Variants in CKAP5 observed in about 807,000 individuals in gnomAD.
CKAP5 encodes cytoskeleton-associated protein 5.
In CKAP5, 27 loss-of-function variants were observed where a neutral mutation model predicts 232.8. The ratio of observed to expected loss-of-function variants is 0.12; its 90% CI spans 0.09 to 0.16. The LOEUF (loss-of-function observed/expected upper bound fraction) is 0.16. Among genes scored for constraint, CKAP5 ranks in the 10% least tolerant of loss-of-function variants. The pLI is 1.00. For missense variants in CKAP5, 1,838 were observed against 2,424.7 expected, an observed-to-expected ratio of 0.76 and a Z score of 5.08; for synonymous variants, 785 against 841.1, an observed-to-expected ratio of 0.93 and a Z score of 1.16.
chr11:46,768,657 T>C lies in CKAP5; in HGVS notation c.3323-994A>G, dbSNP rs368736459. ...AGTGCAGTGGTGCGATCGTGGCTCA[T>C]TGAAGCCTCAACCTCCTGGGCTGAA... On this transcript the variant is annotated intron_variant, in intron 26 of 43. Coordinates refer to ENST00000529230, the MANE Select transcript of CKAP5 (RefSeq NM_001008938.4). 1.4e-3 allele frequency among the ~76,000 whole-genome samples: 210 copies of C among 146,410 alleles called. 1 individual carries two copies. The highest frequency in any genetic ancestry group is 4.1e-3 in the Middle Eastern group (1 of 244).
intron 24 of CKAP5, 97 bp downstream of exon 24, chr11:46,776,158 C>T: frequency 1.0e-6 from 1 of 995,438 alleles, no homozygotes; most frequent in Non-Finnish European, 1.4e-6. Context: ...TATAATGAAA[C>T]TCATTCTAAC....
At chr11:46,776,746 C>CATCAT (rs2065294384) in intron 23 of CKAP5, among the ~76,000 whole-genome samples, 1 of 152,058 alleles carries the variant, frequency 6.6e-6, no homozygotes, top group South Asian at 2.1e-4. Flanking sequence ...ATGTTAAAGA[C>CATCAT]ATCATAATGG....
At chr11:46,746,031 C>T (rs531562185) in intron 42 of CKAP5, among the ~76,000 whole-genome samples, 3 of 152,180 alleles carry the variant, frequency 2.0e-5, no homozygotes, top group African/African-American at 4.8e-5. Flanking sequence ...AAAAGAACTC[C>T]TATTTAAGAG....
rs749931151 is a variant in CKAP5, at chr11:46,778,129, C to T, written c.2748+10G>A. The T allele has an allele frequency of 4.3e-6, 7 of 1,610,644 alleles. No homozygotes were observed. The highest frequency in any genetic ancestry group is 1.7e-5 in the Admixed American group (1 of 59,756). ...GGGAGATAAAAAGAACAGCCGTATGCTCTACATACCAAGATTTTATTTGAA... is the reference window on the plus strand; with the variant it reads ...GGGAGATAAAAAGAACAGCCGTATGTTCTACATACCAAGATTTTATTTGAA... On this transcript the variant is annotated intron_variant, in intron 22 of 43. Transcript: ENST00000529230.
intron 16 of CKAP5, among the ~76,000 whole-genome samples, chr11:46,788,317 G>A (rs372935971): frequency 3.3e-5 from 5 of 152,376 alleles, no homozygotes; most frequent in East Asian, 1.9e-4. Context: ...GCTCACGCCC[G>A]TAATCCCAGC....
At chr11:46,781,033 A>T (rs947083682) in intron 18 of CKAP5, among the ~76,000 whole-genome samples, 1 of 152,188 alleles carries the variant, frequency 6.6e-6, no homozygotes, top group African/African-American at 2.4e-5. Context: ...TGAACTCCAG[A>T]TTCACATCAT....
chr11:46,812,618 A>T (rs545801801), intron 4 of CKAP5, among the ~76,000 whole-genome samples: 1 of 152,038 alleles, frequency 6.6e-6, no homozygotes, highest in Non-Finnish European at 1.5e-5. Context: ...GTGTACTCCA[A>T]CGATTTTTTT....
At chr11:46,802,307 C>T (rs61897306) in intron 8 of CKAP5, 9,067 of 152,288 alleles carry the variant, frequency 0.06, 379 homozygotes, top group Non-Finnish European at 0.095. Context: ...TAACAAGATA[C>T]TGACTACGAC....
Position 46,778,379 on chromosome 11 carries a change from C to G in CKAP5, c.2574-66G>C, listed in dbSNP as rs924640998. 264 of 1,600,934 alleles carry G rather than the reference C, an allele frequency of 1.6e-4. 3 individuals carry two copies. In the South Asian group the frequency reaches 2.2e-3, roughly 13 times the overall value. ...AAATGATGATATCACGTTAAGTTCC[C>G]CTCACTGAATTCAAAAAGAAGACAA... is the stretch of plus-strand genomic sequence containing the variant. On this transcript the variant is annotated intron_variant, in intron 21 of 43. Coordinates refer to ENST00000529230, the MANE Select transcript of CKAP5 (RefSeq NM_001008938.4).
chr11:46,753,518 C>T (rs1226072957), intron 36 of CKAP5, 21 bp from the exon 37 acceptor site: 12 of 1,578,400 alleles, frequency 7.6e-6, no homozygotes, highest in Non-Finnish European at 9.5e-6. Context: ...ATACTTGTGT[C>T]AGGGAGGTGT....
At chr11:46,830,501 G>C (rs1939766287) in intron 1 of CKAP5, among the ~76,000 whole-genome samples, 1 of 151,174 alleles carries the variant, frequency 6.6e-6, no homozygotes, top group Non-Finnish European at 1.5e-5. Flanking sequence ...ACAGGCCTAG[G>C]AGTGCCAGCA....
intron 28 of CKAP5, 44 bp downstream of exon 28, chr11:46,765,084 TAAC>T (rs1376142139): frequency 7.6e-6 from 12 of 1,574,790 alleles, no homozygotes; most frequent in Non-Finnish European, 1.0e-5. Flanking sequence ...TATTCTTGAA[TAAC>T]AATACAAGCA....
chr11:46,826,413 G>C (rs1339574231), intron 1 of CKAP5, among the ~76,000 whole-genome samples: 4 of 152,116 alleles, frequency 2.6e-5, no homozygotes, highest in African/African-American at 9.7e-5. Context: ...CAAATACCAG[G>C]GTAAGGATCC....
At chr11:46,784,967 CTCT>C (rs200270963) in intron 16 of CKAP5, among the ~76,000 whole-genome samples, 1 of 152,212 alleles carries the variant, frequency 6.6e-6, no homozygotes, top group Admixed American at 6.5e-5. Flanking sequence ...AATTTTCCTC[CTCT>C]TATGATTATT....
intron 16 of CKAP5, among the ~76,000 whole-genome samples, chr11:46,786,632 T>A (rs546716365): frequency 6.6e-6 from 1 of 152,196 alleles, no homozygotes; most frequent in Non-Finnish European, 1.5e-5. Context: ...ACCTAGGGAA[T>A]AAGATATCCA....
intron 1 of CKAP5, among the ~76,000 whole-genome samples, chr11:46,834,027 G>A (rs1388582742): frequency 3.3e-5 from 5 of 152,042 alleles, no homozygotes; most frequent in African/African-American, 7.2e-5. Context: ...GTGCCACCAC[G>A]TCCAGCTAAT....
chr11:46,756,754 ATT>A (rs59822318), intron 35 of CKAP5, among the ~76,000 whole-genome samples: 16 of 128,032 alleles, frequency 1.2e-4, no homozygotes, highest in Admixed American at 2.3e-4. Context: ...TGGACCTTGA[ATT>A]TTTTTTTTTT....
In CKAP5 at chr11:46,759,049, T is replaced by G. The variant is rs781633687; in HGVS notation, c.4569-6A>C. On this transcript the variant is annotated splice_region_variant and splice_polypyrimidine_tract_variant and intron_variant, in intron 34 of 43. Coordinates refer to ENST00000529230, the MANE Select transcript of CKAP5 (RefSeq NM_001008938.4). Reference sequence around the variant, plus strand: ...GTGGAGAAACAGCCCGGATCCTAGATAGCAGAACAAAGAGAAAACTTCAAC... The same window carrying G: ...GTGGAGAAACAGCCCGGATCCTAGAGAGCAGAACAAAGAGAAAACTTCAAC... The G allele has an allele frequency of 1.9e-6, 3 of 1,612,596 alleles. No individual in the cohort carries two copies. In the South Asian group the frequency reaches 3.3e-5, roughly 18 times the overall value.
Position 46,809,491 on chromosome 11 carries a change from T to C in CKAP5, c.773A>G (p.Asp258Gly), listed in dbSNP as rs1399593662. The change falls in exon 7 of 44, where the codon GAT (aspartate) becomes GGT (glycine). Residue 258 changes from aspartate to glycine, a missense_variant. By Grantham distance (94) the Asp-to-Gly change is moderately conservative. Coordinates refer to ENST00000529230, the MANE Select transcript of CKAP5 (RefSeq NM_001008938.4). Reference sequence around the variant, plus strand: ...ATCTATTTGTGGCACCTCATCACCATCATCACCACCTTTAAGGAGAAAAAC... The same window carrying C: ...ATCTATTTGTGGCACCTCATCACCACCATCACCACCTTTAAGGAGAAAAAC... ...AGGDAEGGGD[D>G]GDEVPQIDAY... The C allele has an allele frequency of 1.2e-6, 2 of 1,610,284 alleles. No individual in the cohort carries two copies. The highest frequency in any genetic ancestry group is 2.7e-5 in the African/African-American group (2 of 74,824).
Sources: allele counts gnomAD v4.1 joint callset (sites outside exome capture counted in the v4.1 genomes callset), GRCh38; gene constraint gnomAD v4.1.1; transcripts MANE v1.5; gene names NCBI Gene and HGNC (gene_info 2026-07-23, HGNC 2026-07-21).